The following TDRP variants were observed in gnomAD, a reference collection of about 807,000 sequenced individuals.
TDRP encodes the protein testis development related protein.
TDRP carries 12 observed loss-of-function variants against 10.5 expected under a neutral mutation model. The observed-to-expected ratio is 1.15, with a 90% CI of 0.73 to 1.86. The LOEUF (loss-of-function observed/expected upper bound fraction) is 1.86, where lower values mean the gene tolerates loss of function less well. TDRP is among the 40% of genes most tolerant of loss of function. TDRP has a pLI of 0.00. For missense variants in TDRP, 353 were observed against 229.2 expected, an observed-to-expected ratio of 1.54 and a Z score of -3.49; for synonymous variants, 139 against 95.4, an observed-to-expected ratio of 1.46 and a Z score of -2.67.
At chr8:511,852 C>G (rs1016581461) in intron 1 of TDRP, among the ~76,000 whole-genome samples, 4 of 151,986 alleles carry the variant, frequency 2.6e-5, no homozygotes, top group Non-Finnish European at 5.9e-5. Context: ...AGAAGGAAAT[C>G]AGAAAATACT....
intron 1 of TDRP, among the ~76,000 whole-genome samples, chr8:497,478 G>A (rs1801167799): frequency 6.6e-6 from 1 of 152,148 alleles, no homozygotes; most frequent in South Asian, 2.1e-4. Context: ...TGGCCTGGGT[G>A]CTCCTAACAG....
At chr8:540,262 G>C (rs1009147745) in intron 1 of TDRP, among the ~76,000 whole-genome samples, 25 of 152,106 alleles carry the variant, frequency 1.6e-4, no homozygotes, top group East Asian at 1.9e-4. Flanking sequence ...GTATCCCACA[G>C]CCTTAAAATG....
chr8:521,958 T>A (rs1801916816), intron 1 of TDRP, among the ~76,000 whole-genome samples: 1 of 152,092 alleles, frequency 6.6e-6, no homozygotes, highest in South Asian at 2.1e-4. Context: ...GTACCTTTTT[T>A]CTTGATGCTA....
chr8:535,657 T>C (rs1050851682), intron 1 of TDRP, among the ~76,000 whole-genome samples: 1 of 151,468 alleles, frequency 6.6e-6, no homozygotes, highest in African/African-American at 2.4e-5. Flanking sequence ...TCCCAACAGG[T>C]GATCTTAAAA....
chr8:507,776 G>T (rs559461096), intron 1 of TDRP, among the ~76,000 whole-genome samples: 2 of 152,176 alleles, frequency 1.3e-5, no homozygotes, highest in Non-Finnish European at 2.9e-5. Flanking sequence ...TGGCTACAAT[G>T]TATCATCCAA....
At position 490,893 on chromosome 8, in the gene TDRP, AGAT is replaced by A. The variant is rs1381282571; in HGVS notation, c.*1503_*1505del. ...TTCTTGTTCTATTAAAAAAAAAAGT[AGAT>A]GATTGACAGAAGGCTAGATGGATGT... On this transcript the variant is annotated 3_prime_UTR_variant, in exon 3 of 3. Coordinates refer to ENST00000324079, the MANE Select transcript of TDRP (RefSeq NM_001384899.1). 1.3e-5 allele frequency: 2 copies of A among 152,228 alleles called. No homozygotes were observed. The highest frequency in any genetic ancestry group is 1.9e-4 in the East Asian group (1 of 5,196). 9.4% of individuals were successfully genotyped at this position (152,228 alleles called of 1,614,324 possible).
Position 528,860 on chromosome 8 carries a change from T to A in TDRP, c.108+15790A>T, listed in dbSNP as rs182146462. Among the ~76,000 whole-genome samples, 369 of 152,238 alleles carry A rather than the reference T, an allele frequency of 2.4e-3. 1 individual carries two copies. The highest frequency in any genetic ancestry group is 4.6e-3 in the Non-Finnish European group (312 of 68,016). On this transcript the variant is annotated intron_variant, in intron 1 of 2. Transcript: ENST00000324079. ...GTGTGTGTATATATGTGTGTGTGTG[T>A]GTAAAGGGGAATTTATTAAGTAGTA... is the stretch of plus-strand genomic sequence containing the variant.
intron 1 of TDRP, among the ~76,000 whole-genome samples, chr8:499,945 G>A (rs564171415): frequency 8.5e-5 from 13 of 152,252 alleles, no homozygotes; most frequent in East Asian, 7.7e-4. Context: ...CCTCTTCCAC[G>A]GGAAAAGCCC....
chr8:522,836 C>A (rs1445258076), intron 1 of TDRP, among the ~76,000 whole-genome samples: 1 of 152,210 alleles, frequency 6.6e-6, no homozygotes, highest in Non-Finnish European at 1.5e-5. Flanking sequence ...TAGGCCACTC[C>A]TACTCCCTTT....
At chr8:530,474 G>A (rs934335047) in intron 1 of TDRP, among the ~76,000 whole-genome samples, 39 of 152,060 alleles carry the variant, frequency 2.6e-4, no homozygotes, top group African/African-American at 8.9e-4. Flanking sequence ...ACCTCTCCCA[G>A]TCTTTATGGA....
At chr8:502,933 T>A (rs115944683) in intron 1 of TDRP, among the ~76,000 whole-genome samples, 52 of 137,010 alleles carry the variant, frequency 3.8e-4, no homozygotes, top group African/African-American at 1.4e-3. Flanking sequence ...CGTGTCAACA[T>A]TGAATCCAGA....
At chr8:502,445 T>C (rs192428787) in intron 1 of TDRP, among the ~76,000 whole-genome samples, 3 of 152,158 alleles carry the variant, frequency 2.0e-5, no homozygotes, top group African/African-American at 7.2e-5. Flanking sequence ...TAGGCGGCCA[T>C]AGCGAGACCA....
intron 1 of TDRP, among the ~76,000 whole-genome samples, chr8:498,342 G>A (rs1398200409): frequency 6.6e-6 from 1 of 152,196 alleles, no homozygotes; most frequent in Admixed American, 6.5e-5. Flanking sequence ...CCCTGGATAT[G>A]AGACATGGCA....
intron 1 of TDRP, among the ~76,000 whole-genome samples, chr8:495,617 C>G (rs1252291281): frequency 6.6e-6 from 1 of 152,208 alleles, no homozygotes; most frequent in Non-Finnish European, 1.5e-5. Context: ...GGTTCATCAT[C>G]ACATTGCTAG....
At chr8:501,814 C>A (rs142476307) in intron 1 of TDRP, among the ~76,000 whole-genome samples, 3 of 152,342 alleles carry the variant, frequency 2.0e-5, no homozygotes, top group African/African-American at 7.2e-5. Context: ...CCGTTATCAA[C>A]CACAGGGCAC....
chr8:494,814 G>A (rs566170038), intron 1 of TDRP, among the ~76,000 whole-genome samples: 1 of 152,308 alleles, frequency 6.6e-6, no homozygotes, highest in East Asian at 1.9e-4. Context: ...CAGCTTATCA[G>A]TGATGCTGAG....
chr8:512,285 TGACTG>T (rs1459552938), intron 1 of TDRP, among the ~76,000 whole-genome samples: 2 of 147,972 alleles, frequency 1.4e-5, no homozygotes, highest in Non-Finnish European at 3.0e-5. Context: ...AAAAAAAAAA[TGACTG>T]GGCATGGTGG....
chr8:518,683 C>G (rs1484437345), intron 1 of TDRP, among the ~76,000 whole-genome samples: 1 of 151,754 alleles, frequency 6.6e-6, no homozygotes, highest in African/African-American at 2.4e-5. Context: ...CTAAAAGAAT[C>G]TGATCTCAGG....
chr8:492,636 T>C lies in TDRP; in HGVS notation c.321A>G (p.Glu107=). 1 of 1,614,032 alleles carries C rather than the reference T, an allele frequency of 6.2e-7. No homozygotes were observed. The highest frequency in any genetic ancestry group is 8.5e-7 in the Non-Finnish European group (1 of 1,179,880). The change falls in exon 3 of 3, where the codon GAA becomes GAG. Residue 107 remains glutamate, a synonymous_variant. Coordinates refer to ENST00000324079, the MANE Select transcript of TDRP (RefSeq NM_001384899.1). ...NIQSKKPDEI[E]GWEPPKLALE... ...GAGCAAGTTTTGGAGGCTCCCAACC[T>C]TCAATTTCATCTGGTTTTTTAGACT...
Sources: gnomAD v4.1 joint callset for allele counts (sites outside exome capture counted in the v4.1 genomes callset) on GRCh38, gnomAD v4.1.1 for gene constraint, MANE v1.5 for transcripts, NCBI Gene and HGNC (gene_info 2026-07-23, HGNC 2026-07-21) for gene names.